The following GRIK1 variants were observed in gnomAD, a reference collection of about 807,000 sequenced individuals.
GRIK1 encodes the protein glutamate ionotropic receptor kainate type subunit 1.
GRIK1 carries 69 observed loss-of-function variants against 105.7 expected under a neutral mutation model. That is an observed-to-expected ratio of 0.65 (90% CI 0.54 to 0.80). The LOEUF (loss-of-function observed/expected upper bound fraction) is 0.80, where lower values mean the gene tolerates loss of function less well. Among genes scored for constraint, GRIK1 ranks in the 30% least tolerant of loss-of-function variants. GRIK1 has a pLI of 0.00. For missense variants in GRIK1, 1,109 were observed against 1,167.3 expected, an observed-to-expected ratio of 0.95 and a Z score of 0.73; for synonymous variants, 438 against 431.3, an observed-to-expected ratio of 1.02 and a Z score of -0.19.
At chr21:29,855,876 A>G (rs469563) in intron 1 of GRIK1, among the ~76,000 whole-genome samples, 133,411 of 152,092 alleles carry the variant, frequency 0.88, 59,508 homozygotes, top group Non-Finnish European at 0.96. Context: ...TTTTTTTTTC[A>G]AGAAGAATCA....
intron 3 of GRIK1, among the ~76,000 whole-genome samples, chr21:29,680,989 C>G (rs1017072206): frequency 6.6e-6 from 1 of 151,924 alleles, no homozygotes; most frequent in African/African-American, 2.4e-5. Flanking sequence ...AAAAATTAGC[C>G]GGGCGTGGTA....
In GRIK1 at chr21:29,862,726, C is replaced by T. The variant is rs560124894; in HGVS notation, c.118+76657G>A. 4.1e-3 allele frequency among the ~76,000 whole-genome samples: 628 copies of T among 152,318 alleles called. 4 individuals are homozygous for T. The highest frequency in any genetic ancestry group is 6.4e-3 in the Non-Finnish European group (438 of 68,026). On this transcript the variant is annotated intron_variant, in intron 1 of 17. Transcript: ENST00000327783. ...CTACAGGAGAGGAAGCAATAGCAAA[C>T]ATTCAGTGAAACTAAGTCATATGCT...
intron 1 of GRIK1, among the ~76,000 whole-genome samples, chr21:29,898,806 T>C (rs1465031210): frequency 1.3e-5 from 2 of 152,132 alleles, no homozygotes; most frequent in African/African-American, 4.8e-5. Context: ...AGTACACAAA[T>C]AAGTATTCAA....
At chr21:29,687,743 G>A (rs987829151) in intron 3 of GRIK1, among the ~76,000 whole-genome samples, 1 of 152,122 alleles carries the variant, frequency 6.6e-6, no homozygotes, top group Non-Finnish European at 1.5e-5. Flanking sequence ...ATCAGAGAGT[G>A]GTTAGAATAT....
At position 29,923,051 on chromosome 21, in the gene GRIK1, G is replaced by A. The variant is rs551773212; in HGVS notation, c.118+16332C>T. 2.0e-5 allele frequency among the ~76,000 whole-genome samples: 3 copies of A among 152,270 alleles called. No homozygotes were observed. The South Asian group carries it at 6.2e-4, about 32-fold the overall frequency. On this transcript the variant is annotated intron_variant, in intron 1 of 17. Transcript: ENST00000327783. ...GCCATTTGTGTGTGTTTATGTGTAT[G>A]TGTATGTGTTATGCAAAAATGAGTC... is the stretch of plus-strand genomic sequence containing the variant.
chr21:29,854,326 C>T (rs1332309884), intron 1 of GRIK1, among the ~76,000 whole-genome samples: 1 of 137,668 alleles, frequency 7.3e-6, no homozygotes, highest in Non-Finnish European at 1.5e-5. Flanking sequence ...TATTTGTTCC[C>T]ATGACCCAAA....
intron 4 of GRIK1, among the ~76,000 whole-genome samples, chr21:29,656,697 A>G (rs1003813042): frequency 1.2e-4 from 19 of 152,232 alleles, no homozygotes; most frequent in Admixed American, 1.1e-3. Context: ...GCAAGTTATC[A>G]GCGGTTCTGG....
intron 1 of GRIK1, among the ~76,000 whole-genome samples, chr21:29,910,343 C>A (rs1247939086): frequency 6.6e-6 from 1 of 152,104 alleles, no homozygotes; most frequent in Non-Finnish European, 1.5e-5. Context: ...TCCTTCCTAT[C>A]TAGCCTTGTT....
At chr21:29,749,172 A>G (rs1405536358) in intron 1 of GRIK1, 3 of 152,228 alleles carry the variant, frequency 2.0e-5, no homozygotes, top group African/African-American at 7.2e-5. Flanking sequence ...ACAGAGCTTC[A>G]TTATTACTAA....
At chr21:29,934,478 A>C (rs2071679429) in intron 1 of GRIK1, among the ~76,000 whole-genome samples, 1 of 151,984 alleles carries the variant, frequency 6.6e-6, no homozygotes, top group African/African-American at 2.4e-5. Flanking sequence ...TGGAGTTTTC[A>C]AGTTCATGTT....
At chr21:29,558,667 A>G (rs918080215) in intron 15 of GRIK1, among the ~76,000 whole-genome samples, 1 of 150,992 alleles carries the variant, frequency 6.6e-6, no homozygotes. Flanking sequence ...CCAAAAGGAG[A>G]CTGAATGGGT....
intron 16 of GRIK1, among the ~76,000 whole-genome samples, chr21:29,548,185 A>C (rs1398620269): frequency 1.3e-5 from 2 of 152,144 alleles, no homozygotes; most frequent in African/African-American, 4.8e-5. Flanking sequence ...ACATGGACAC[A>C]CATTGTTGTG....
intron 1 of GRIK1, among the ~76,000 whole-genome samples, chr21:29,797,097 G>A (rs1004440614): frequency 6.6e-6 from 1 of 152,130 alleles, no homozygotes; most frequent in African/African-American, 2.4e-5. Context: ...ATCAGGTAGC[G>A]GCTATCAAGC....
At chr21:29,563,815 G>C (rs1284877965) in intron 14 of GRIK1, among the ~76,000 whole-genome samples, 2 of 152,142 alleles carry the variant, frequency 1.3e-5, no homozygotes, top group African/African-American at 4.8e-5. Flanking sequence ...TCACAGAGGA[G>C]GAAGTTTTAG....
chr21:29,635,626 A>G (rs950468006), intron 7 of GRIK1, among the ~76,000 whole-genome samples: 25 of 152,206 alleles, frequency 1.6e-4, no homozygotes, highest in Admixed American at 1.4e-3. Context: ...ACCAGAGTTG[A>G]CCAATTGGTT....
At chr21:29,566,909 G>A (rs2090623803) in intron 14 of GRIK1, among the ~76,000 whole-genome samples, 1 of 152,156 alleles carries the variant, frequency 6.6e-6, no homozygotes, top group Admixed American at 6.5e-5. Context: ...ACACAGAGCA[G>A]CAAACTCAAG....
chr21:29,721,081 G>T (rs1332040908), intron 1 of GRIK1, among the ~76,000 whole-genome samples: 1 of 151,682 alleles, frequency 6.6e-6, no homozygotes, highest in African/African-American at 2.4e-5. Flanking sequence ...CCCCTAAGTT[G>T]CTTACATCCC....
At chr21:29,549,571 G>A (rs1299295835) in intron 16 of GRIK1, among the ~76,000 whole-genome samples, 2 of 152,142 alleles carry the variant, frequency 1.3e-5, no homozygotes, top group African/African-American at 2.4e-5. Flanking sequence ...GAGAAAGGTC[G>A]AGAGGTAGAG....
chr21:29,822,804 A>G (rs1263427338), intron 1 of GRIK1, among the ~76,000 whole-genome samples: 2 of 152,016 alleles, frequency 1.3e-5, no homozygotes, highest in Non-Finnish European at 2.9e-5. Context: ...CTTCTTTTAT[A>G]TGCAAGAGAA....
Sources: allele counts gnomAD v4.1 joint callset (sites outside exome capture counted in the v4.1 genomes callset), GRCh38; gene constraint gnomAD v4.1.1; transcripts MANE v1.5; gene names NCBI Gene and HGNC (gene_info 2026-07-23, HGNC 2026-07-21).